The following NAALADL2 variants were observed in gnomAD, a reference collection of about 807,000 sequenced individuals.
NAALADL2 encodes the protein inactive N-acetylated-alpha-linked acidic dipeptidase-like protein 2.
NAALADL2 carries 76 observed loss-of-function variants against 87.2 expected under a neutral mutation model. The ratio of observed to expected loss-of-function variants is 0.87; its 90% CI spans 0.72 to 1.05. The LOEUF (loss-of-function observed/expected upper bound fraction) is 1.05, where lower values mean the gene tolerates loss of function less well. Ranked by LOEUF, NAALADL2 falls within the 50% of genes least tolerant of loss-of-function variation. The pLI is 0.00. For synonymous variants in NAALADL2, 354 were observed against 331.0 expected, an observed-to-expected ratio of 1.07 and a Z score of -0.75; for missense variants, 1,089 against 945.8, an observed-to-expected ratio of 1.15 and a Z score of -1.99.
intron 9 of NAALADL2, among the ~76,000 whole-genome samples, chr3:175,483,493 A>G (rs1304267787): frequency 6.6e-6 from 1 of 151,462 alleles, no homozygotes; most frequent in Non-Finnish European, 1.5e-5. Flanking sequence ...CTATCATTTA[A>G]TTTTTTTCCA....
At chr3:175,061,721 T>G (rs1013853340) in intron 1 of NAALADL2, among the ~76,000 whole-genome samples, 5 of 129,186 alleles carry the variant, frequency 3.9e-5, no homozygotes, top group African/African-American at 1.5e-4. Context: ...ACCTGCTCAC[T>G]TGCACAAATA....
intron 9 of NAALADL2, among the ~76,000 whole-genome samples, chr3:175,486,374 C>T (rs1051258755): frequency 1.3e-5 from 2 of 152,268 alleles, no homozygotes; most frequent in Admixed American, 1.3e-4. Flanking sequence ...ATCCTCACTA[C>T]GTAGTCTCTA....
chr3:174,661,825 A>G (rs1725532294), intron 2 of NAALADL2, among the ~76,000 whole-genome samples: 1 of 152,078 alleles, frequency 6.6e-6, no homozygotes, highest in Non-Finnish European at 1.5e-5. Flanking sequence ...ACATGCGTGC[A>G]CGCACACACA....
chr3:175,702,698 G>T (rs1230614941), intron 11 of NAALADL2, among the ~76,000 whole-genome samples: 1 of 152,058 alleles, frequency 6.6e-6, no homozygotes, highest in African/African-American at 2.4e-5. Context: ...CTGCTGCTAA[G>T]AATAAAACTT....
chr3:175,167,802 A>C (rs1301599510), intron 2 of NAALADL2, among the ~76,000 whole-genome samples: 4 of 152,002 alleles, frequency 2.6e-5, no homozygotes, highest in Non-Finnish European at 5.9e-5. Context: ...CTTTCCAACT[A>C]CCTTGCCCAA....
At chr3:175,781,774 A>G (rs1382975619) in intron 13 of NAALADL2, among the ~76,000 whole-genome samples, 1 of 151,724 alleles carries the variant, frequency 6.6e-6, no homozygotes, top group Non-Finnish European at 1.5e-5. Context: ...GGTTAGTTAC[A>G]TATGTATACA....
intron 1 of NAALADL2, among the ~76,000 whole-genome samples, chr3:174,525,209 C>T (rs1720629032): frequency 1.3e-5 from 2 of 152,186 alleles, no homozygotes; most frequent in South Asian, 4.1e-4. Flanking sequence ...AAACTCGAGA[C>T]AGTCTTCTAG....
At chr3:174,563,834 T>C (rs1324561917) in intron 2 of NAALADL2, among the ~76,000 whole-genome samples, 1 of 152,178 alleles carries the variant, frequency 6.6e-6, no homozygotes, top group Non-Finnish European at 1.5e-5. Context: ...TCAATATTCA[T>C]TCATATTATG....
intron 2 of NAALADL2, among the ~76,000 whole-genome samples, chr3:174,650,599 C>T (rs1233496495): frequency 3.9e-5 from 6 of 152,008 alleles, no homozygotes; most frequent in African/African-American, 7.2e-5. Context: ...TTAAGTGTTG[C>T]TGTAACAGCA....
chr3:175,190,355 A>G (rs767369524), intron 2 of NAALADL2, among the ~76,000 whole-genome samples: 1 of 152,136 alleles, frequency 6.6e-6, no homozygotes, highest in African/African-American at 2.4e-5. Flanking sequence ...ACACAACTGA[A>G]TATCAGAAAA....
chr3:174,853,303 G>A (rs1284202677), intron 3 of NAALADL2, among the ~76,000 whole-genome samples: 23 of 148,784 alleles, frequency 1.5e-4, no homozygotes, highest in Admixed American at 1.4e-3. Context: ...GCTTGAACTT[G>A]GGAGGAAGAG....
chr3:174,821,481 T>A (rs546993497), intron 3 of NAALADL2, among the ~76,000 whole-genome samples: 1 of 152,182 alleles, frequency 6.6e-6, no homozygotes, highest in Admixed American at 6.5e-5. Context: ...AGTTTTATTA[T>A]ATATATTGTT....
At chr3:175,389,092 T>C (rs1248263171) in intron 5 of NAALADL2, among the ~76,000 whole-genome samples, 2 of 152,108 alleles carry the variant, frequency 1.3e-5, no homozygotes, top group Admixed American at 6.6e-5. Context: ...ATATTTCTAA[T>C]TAAAGATACT....
chr3:175,045,158 T>A (rs1287770686), intron 1 of NAALADL2, among the ~76,000 whole-genome samples: 1 of 152,126 alleles, frequency 6.6e-6, no homozygotes, highest in Non-Finnish European at 1.5e-5. Context: ...ATAAAGGCCT[T>A]TAGGATTTTC....
chr3:175,327,403 C>CGG (rs1228100104), intron 5 of NAALADL2, among the ~76,000 whole-genome samples: 1 of 152,126 alleles, frequency 6.6e-6, no homozygotes, highest in Non-Finnish European at 1.5e-5. Context: ...GATCCGCCCA[C>CGG]CTCGGCCTCC....
At chr3:175,216,512 C>A (rs559148410) in intron 2 of NAALADL2, among the ~76,000 whole-genome samples, 18 of 152,070 alleles carry the variant, frequency 1.2e-4, no homozygotes, top group African/African-American at 4.1e-4. Flanking sequence ...TCAGGCAGGA[C>A]AAGGAGATAA....
intron 2 of NAALADL2, among the ~76,000 whole-genome samples, chr3:174,634,234 G>T (rs1722416511): frequency 6.6e-6 from 1 of 151,914 alleles, no homozygotes; most frequent in African/African-American, 2.4e-5. Flanking sequence ...CTCTTCCTTT[G>T]ACTTTTAAAA....
chr3:175,049,382 G>GAAACCAGGGAAAGTA lies in NAALADL2; in HGVS notation c.44-47400_44-47386dup, dbSNP rs1408447572. 1.2e-3 allele frequency among the ~76,000 whole-genome samples: 179 copies of GAAACCAGGGAAAGTA among 152,266 alleles called. 1 individual carries two copies. The highest frequency in any genetic ancestry group is 0.012 in the Admixed American group (176 of 15,282). On this transcript the variant is annotated intron_variant, in intron 1 of 13. Coordinates refer to ENST00000454872, the MANE Select transcript of NAALADL2 (RefSeq NM_207015.3). Reference sequence around the variant, plus strand: ...ACATTTGACCCGACTGTAGGTAACTGAAACCAGGGAAAGTAAAACCAGAGA... The same window carrying GAAACCAGGGAAAGTA: ...ACATTTGACCCGACTGTAGGTAACTGAAACCAGGGAAAGTAAAACCAGGGAAAGTAAAACCAGAGA...
At chr3:175,262,305 A>G (rs758774918) in intron 4 of NAALADL2, among the ~76,000 whole-genome samples, 1 of 152,168 alleles carries the variant, frequency 6.6e-6, no homozygotes, top group Non-Finnish European at 1.5e-5. Flanking sequence ...CATTTATTCT[A>G]GTTTCCTTTT....
Sources: gnomAD v4.1 joint callset for allele counts (sites outside exome capture counted in the v4.1 genomes callset) on GRCh38, gnomAD v4.1.1 for gene constraint, MANE v1.5 for transcripts, NCBI Gene and HGNC (gene_info 2026-07-23, HGNC 2026-07-21) for gene names.